The following PLPPR1 variants were observed in gnomAD, a reference collection of about 807,000 sequenced individuals.
PLPPR1 encodes the protein phospholipid phosphatase-related protein type 1.
Under a neutral mutation model 33.1 loss-of-function variants are expected in PLPPR1, and 10 were observed. The observed-to-expected ratio is 0.30, with a 90% CI of 0.19 to 0.51. The LOEUF (loss-of-function observed/expected upper bound fraction) is 0.51, where lower values mean the gene tolerates loss of function less well. Ranked by LOEUF, PLPPR1 falls within the 20% of genes least tolerant of loss-of-function variation. The pLI is 0.97. For missense variants in PLPPR1, 304 were observed against 408.1 expected, an observed-to-expected ratio of 0.74 and a Z score of 2.20; for synonymous variants, 151 against 151.0, an observed-to-expected ratio of 1.00 and a Z score of 0.00.
intron 2 of PLPPR1, among the ~76,000 whole-genome samples, chr9:101,237,642 TACAC>T (rs144819109): frequency 5.7e-5 from 8 of 139,890 alleles, no homozygotes; most frequent in Non-Finnish European, 1.1e-4. Flanking sequence ...TATATATATA[TACAC>T]ACACACACAC....
intron 1 of PLPPR1, among the ~76,000 whole-genome samples, chr9:101,090,495 T>C (rs1267583960): frequency 6.6e-6 from 1 of 152,216 alleles, no homozygotes; most frequent in East Asian, 1.9e-4. Flanking sequence ...CATTTTCTTA[T>C]GGATGATTAT....
At chr9:101,092,944 G>A (rs570943103) in intron 1 of PLPPR1, among the ~76,000 whole-genome samples, 1 of 152,278 alleles carries the variant, frequency 6.6e-6, no homozygotes, top group Admixed American at 6.5e-5. Context: ...GTGAGAAAAT[G>A]ACCATCTGCA....
At chr9:101,302,922 C>T (rs7867050) in intron 4 of PLPPR1, among the ~76,000 whole-genome samples, 7,323 of 152,248 alleles carry the variant, frequency 0.048, 544 homozygotes, top group African/African-American at 0.16. Flanking sequence ...CTATCTTTCA[C>T]GACATCGTTT....
At chr9:101,068,723 T>G (rs570024945) in intron 1 of PLPPR1, among the ~76,000 whole-genome samples, 1 of 151,994 alleles carries the variant, frequency 6.6e-6, no homozygotes, top group East Asian at 1.9e-4. Context: ...AACCATCTAA[T>G]GATTTCATTG....
intron 2 of PLPPR1, among the ~76,000 whole-genome samples, chr9:101,220,541 C>T (rs1324236313): frequency 6.6e-6 from 1 of 152,140 alleles, no homozygotes; most frequent in Non-Finnish European, 1.5e-5. Flanking sequence ...TGGACTTTAT[C>T]CTCTCACACT....
intron 1 of PLPPR1, among the ~76,000 whole-genome samples, chr9:101,034,467 C>T (rs893450213): frequency 3.9e-5 from 6 of 152,064 alleles, no homozygotes; most frequent in African/African-American, 9.7e-5. Flanking sequence ...TGTAGCACAG[C>T]GGTTAAGAGC....
chr9:101,161,212 G>C (rs544580593), intron 1 of PLPPR1, among the ~76,000 whole-genome samples: 1 of 152,220 alleles, frequency 6.6e-6, no homozygotes, highest in East Asian at 1.9e-4. Flanking sequence ...TCAAATATAG[G>C]CTCAATATAT....
chr9:101,128,400 G>A (rs950370454), intron 1 of PLPPR1, among the ~76,000 whole-genome samples: 6 of 152,114 alleles, frequency 3.9e-5, no homozygotes, highest in African/African-American at 9.7e-5. Flanking sequence ...TTTCCTTTGA[G>A]ATATAATAAT....
chr9:101,170,606 A>G (rs1368474148), intron 1 of PLPPR1, among the ~76,000 whole-genome samples: 2 of 152,184 alleles, frequency 1.3e-5, no homozygotes, highest in African/African-American at 4.8e-5. Flanking sequence ...AATAGACTTG[A>G]AGTAGTCTGA....
At position 101,141,190 on chromosome 9, in the gene PLPPR1, G is replaced by C. The variant is rs57978793; in HGVS notation, c.-45-44260G>C. On this transcript the variant is annotated intron_variant, in intron 1 of 7. Transcript: ENST00000374874. Reference sequence around the variant, plus strand: ...TTGTGAAGAGAGATCAGTCTCCTAGGAGAATCTATGGAAATCTCCTCTGGC... The same window carrying C: ...TTGTGAAGAGAGATCAGTCTCCTAGCAGAATCTATGGAAATCTCCTCTGGC... Among the ~76,000 whole-genome samples, 644 of 152,228 alleles carry C rather than the reference G, an allele frequency of 4.2e-3. 4 individuals carry two copies. The highest frequency in any genetic ancestry group is 0.015 in the African/African-American group (603 of 41,556).
chr9:101,106,299 T>C (rs1342319239), intron 1 of PLPPR1, among the ~76,000 whole-genome samples: 1 of 135,658 alleles, frequency 7.4e-6, no homozygotes, highest in Admixed American at 7.2e-5. Context: ...GTTGTTCCTT[T>C]CCATGTTTAG....
chr9:101,212,160 G>A lies in PLPPR1; in HGVS notation c.63+26603G>A, dbSNP rs187666011. ...TACAGTGGTGTGATCTCGGCTCACT[G>A]TAACCTCTGCTTCCTGGGTTCAAGT... On this transcript the variant is annotated intron_variant, in intron 2 of 7. Coordinates refer to ENST00000374874, the MANE Select transcript of PLPPR1 (RefSeq NM_207299.2). Among the ~76,000 whole-genome samples, 5 of 152,020 alleles carry A rather than the reference G, an allele frequency of 3.3e-5. No homozygotes were observed. In the East Asian group the frequency reaches 9.7e-4, roughly 29 times the overall value.
intron 1 of PLPPR1, among the ~76,000 whole-genome samples, chr9:101,147,602 G>A (rs1213518384): frequency 2.0e-5 from 3 of 152,102 alleles, no homozygotes; most frequent in Non-Finnish European, 2.9e-5. Context: ...GAAAGAGGGG[G>A]ACATATGTGG....
At chr9:101,309,569 T>C in intron 5 of PLPPR1, 108 bp downstream of exon 5, 1 of 1,237,126 alleles carries the variant, frequency 8.1e-7, no homozygotes, top group Non-Finnish European at 1.1e-6. Flanking sequence ...CTTAAATTTA[T>C]GTATGGCATA....
intron 2 of PLPPR1, among the ~76,000 whole-genome samples, chr9:101,193,657 AT>A (rs1308284117): frequency 1.3e-5 from 2 of 152,184 alleles, no homozygotes; most frequent in Non-Finnish European, 2.9e-5. Flanking sequence ...TTTGTATGGT[AT>A]TTTAGTATAA....
At chr9:101,265,975 G>A (rs1176326692) in intron 2 of PLPPR1, among the ~76,000 whole-genome samples, 1 of 151,602 alleles carries the variant, frequency 6.6e-6, no homozygotes, top group Non-Finnish European at 1.5e-5. Flanking sequence ...CAGCCTGGGC[G>A]ACAGTGCGAG....
At chr9:101,212,708 G>GTAAC (rs1214143780) in intron 2 of PLPPR1, among the ~76,000 whole-genome samples, 1 of 152,160 alleles carries the variant, frequency 6.6e-6, no homozygotes, top group Non-Finnish European at 1.5e-5. Context: ...GGATCATTGT[G>GTAAC]TAACTATATA....
At chr9:101,078,361 A>G (rs957465110) in intron 1 of PLPPR1, among the ~76,000 whole-genome samples, 1 of 151,762 alleles carries the variant, frequency 6.6e-6, no homozygotes, top group Non-Finnish European at 1.5e-5. Flanking sequence ...ACAGACAACG[A>G]TATTTAAAAA....
intron 4 of PLPPR1, among the ~76,000 whole-genome samples, chr9:101,294,041 A>G (rs1828570420): frequency 6.6e-6 from 1 of 152,228 alleles, no homozygotes; most frequent in African/African-American, 2.4e-5. Context: ...GATCAACAAA[A>G]TTGATAGACC....
Sources: allele counts gnomAD v4.1 joint callset (sites outside exome capture counted in the v4.1 genomes callset), GRCh38; gene constraint gnomAD v4.1.1; transcripts MANE v1.5; gene names NCBI Gene and HGNC (gene_info 2026-07-23, HGNC 2026-07-21).